Variants in ANO7 observed in about 807,000 individuals in gnomAD.
The protein encoded by ANO7 is anoctamin 7, also known as anoctamin-7.
Under a neutral mutation model 115.8 loss-of-function variants are expected in ANO7, and 114 were observed. That is an observed-to-expected ratio of 0.98 (90% CI 0.85 to 1.15). ANO7 has a LOEUF of 1.15. ANO7 is among the 50% of genes most tolerant of loss of function. ANO7 has a pLI of 0.00. For missense variants in ANO7, 1,302 were observed against 1,201.2 expected, an observed-to-expected ratio of 1.08 and a Z score of -1.24; for synonymous variants, 550 against 498.2, an observed-to-expected ratio of 1.10 and a Z score of -1.38.
chr2:241,230,732 C>T (rs1304713971), downstream of ANO7: 2 of 1,608,278 alleles, frequency 1.2e-6, no homozygotes, highest in Non-Finnish European at 1.7e-6. The surrounding 1 kb of genome is among the most constrained non-coding windows in gnomAD (Gnocchi z 5.0). Flanking sequence ...AGAGGATTCT[C>T]ACCCACTGTG....
intron 1 of ANO7, among the ~76,000 whole-genome samples, chr2:241,189,500 C>G (rs2068137910): frequency 6.6e-6 from 1 of 152,132 alleles, no homozygotes. Flanking sequence ...AGAGAGACCC[C>G]CGGGGCGAAG....
intron 21 of ANO7, among the ~76,000 whole-genome samples, chr2:241,219,731 C>CTTTTTTTTTT (rs11299376): frequency 2.6e-5 from 3 of 113,980 alleles, no homozygotes; most frequent in Non-Finnish European, 5.3e-5. Flanking sequence ...CCAGGCCTGG[C>CTTTTTTTTTT]TTTTTTTTTT....
At chr2:241,208,084 C>A (rs575345025) in intron 11 of ANO7, among the ~76,000 whole-genome samples, 237 of 152,290 alleles carry the variant, frequency 1.6e-3, no homozygotes, top group African/African-American at 5.6e-3. Flanking sequence ...ACTGTCCCCC[C>A]TCCCGCCTGG....
chr2:241,210,204 G>A lies in ANO7; in HGVS notation c.1360-91G>A, dbSNP rs2149218666. The A allele has an allele frequency of 6.3e-6, 8 of 1,267,322 alleles. No individual in the cohort carries two copies. The South Asian group carries it at 9.6e-5, about 15-fold the overall frequency. The allele number at this position is 1,267,322 out of a possible 1,614,324, so 78.5% of individuals were successfully genotyped here. A position where few individuals can be genotyped will look rare whatever the true frequency, so the allele number is the denominator to read the frequency against. On this transcript the variant is annotated intron_variant, in intron 13 of 24. Coordinates refer to ENST00000674324, the MANE Select transcript of ANO7 (RefSeq NM_001370694.2). The stretch of plus-strand genomic sequence containing the variant: ...AGGTGGCAGTGCTGGGGCCAGCAGT[G>A]GACTAGAAGAGCTGTCGGGGGCCAT...
chr2:241,200,226 G>T lies in ANO7; in HGVS notation c.554+1G>T, dbSNP rs150724018. On this transcript the variant is annotated splice_donor_variant, in intron 6 of 24. Transcript: ENST00000674324. LOFTEE classifies it high-confidence loss of function. The stretch of plus-strand genomic sequence containing the variant: ...GGTTCAGAGTGAACAAGCTGCCACG[G>T]TAAGGCAGGGGCCCTGCCAGTCGGA... 5.6e-6 allele frequency: 9 copies of T among 1,612,276 alleles called. No individual in the cohort carries two copies. In the African/African-American group the frequency reaches 1.2e-4, roughly 22 times the overall value.
rs555274837 is a variant in ANO7 at position 241,210,220 on chromosome 2, C to T, written c.1360-75C>T. ...GCCAGCAGTGGACTAGAAGAGCTGT[C>T]GGGGGCCATGGCCTGAGGGTGCTGG... On this transcript the variant is annotated intron_variant, in intron 13 of 24. Transcript: ENST00000674324. The T allele has an allele frequency of 7.3e-4, 1,044 of 1,435,528 alleles. 7 individuals are homozygous for T. The South Asian group carries it at 0.011, about 15-fold the overall frequency. The allele number at this position is 1,435,528 out of a possible 1,614,324, so 88.9% of individuals were successfully genotyped here.
intron 4 of ANO7, among the ~76,000 whole-genome samples, chr2:241,196,379 G>A (rs2149127115): frequency 6.6e-6 from 1 of 152,198 alleles, no homozygotes. Context: ...GGGGATTGGG[G>A]TGCAGAGCCC....
the ANO7 span, chr2:241,235,258 A>G: frequency 6.2e-7 from 1 of 1,614,162 alleles, no homozygotes; most frequent in South Asian, 1.1e-5. Context: ...ATGTTCACCT[A>G]CGTGAAGAGG....
At chr2:241,237,503 C>T in the ANO7 span, among the ~76,000 whole-genome samples, 7 of 152,240 alleles carry the variant, frequency 4.6e-5, no homozygotes, top group Non-Finnish European at 8.8e-5. Flanking sequence ...ACCAGACAGA[C>T]GCCTGCCTGA....
chr2:241,233,491 C>G, the ANO7 span, among the ~76,000 whole-genome samples: 1 of 152,100 alleles, frequency 6.6e-6, no homozygotes, highest in Non-Finnish European at 1.5e-5. The surrounding 1 kb of genome is among the most constrained non-coding windows in gnomAD (Gnocchi z 4.3). Context: ...CCCTTGGGAG[C>G]CTCAGAGAGG....
the ANO7 span, chr2:241,236,383 C>G: frequency 3.6e-6 from 2 of 559,890 alleles, no homozygotes; most frequent in South Asian, 4.4e-5. Flanking sequence ...TCCCATGCAG[C>G]TGTCCCAGAA....
At chr2:241,238,727 G>A in the ANO7 span, 1 of 1,581,310 alleles carries the variant, frequency 6.3e-7, no homozygotes, top group East Asian at 2.3e-5. This position sits in a 1 kb window ranked among gnomAD's most constrained non-coding sequence, Gnocchi z 4.9. Context: ...GAACCTTTGG[G>A]GCCCATGACA....
intron 3 of ANO7, among the ~76,000 whole-genome samples, chr2:241,194,308 CT>C (rs558481702): frequency 0.015 from 1,993 of 131,746 alleles, 37 homozygotes; most frequent in African/African-American, 0.05. Context: ...TATTTATTTC[CT>C]TTTTTTTTTT....
rs13410309 is a variant in ANO7, at chr2:241,203,832, G to T, written c.889+334G>T. The stretch of plus-strand genomic sequence containing the variant: ...CCCCAGGAACTTCCATCCTAGGGAG[G>T]TCGCCCCTGCCTGGGTCCAGGCCAA... On this transcript the variant is annotated intron_variant, in intron 9 of 24. Transcript: ENST00000674324. This position sits in a 1 kb window ranked among gnomAD's most constrained non-coding sequence, Gnocchi z 4.8. 0.064 allele frequency among the ~76,000 whole-genome samples: 9,683 copies of T among 151,938 alleles called. 735 individuals are homozygous for T. Among genetic ancestry groups the T allele is most frequent in the African/African-American group, 0.18 (7,450 of 41,392 alleles).
In ANO7 at chr2:241,203,596, C is replaced by T. The variant is rs146289885; in HGVS notation, c.889+98C>T. 7.3e-3 allele frequency: 6,748 copies of T among 918,172 alleles called. 32 individuals are homozygous for T. Among genetic ancestry groups the T allele is most frequent in the Middle Eastern group, 0.014 (56 of 4,114 alleles). 56.9% of individuals were successfully genotyped at this position (918,172 alleles called of 1,614,324 possible). ...GTCCGTACCCCTGGAGGGCAGCGTG[C>T]GTGGGGGCCTGGACGGTGGGCGCAG... is the stretch of plus-strand genomic sequence containing the variant. On this transcript the variant is annotated intron_variant, in intron 9 of 24. Transcript: ENST00000674324. The surrounding 1 kb of genome is among the most constrained non-coding windows in gnomAD (Gnocchi z 4.8).
At chr2:241,229,647 C>A, downstream of ANO7, 1 of 1,614,166 alleles carries the variant, frequency 6.2e-7, no homozygotes. Context: ...CACCTGAGCC[C>A]CAAAGCTGGG....
chr2:241,232,483 TCAGGTTGGC>T, the ANO7 span, among the ~76,000 whole-genome samples: 1 of 152,106 alleles, frequency 6.6e-6, no homozygotes, highest in East Asian at 1.9e-4. Flanking sequence ...GCCATGTTGG[TCAGGTTGGC>T]CTTGAACTCC....
At position 241,190,178 on chromosome 2, in the gene ANO7, G is replaced by A. The variant is rs200885969; in HGVS notation, c.108+7G>A. 1.6e-4 allele frequency: 254 copies of A among 1,553,424 alleles called. 1 individual carries two copies. The African/African-American group carries it at 2.9e-3, about 18-fold the overall frequency. ...CACAGCCCACGCCTCGGAGGTAACA[G>A]CACCCAGGAGACTGTGGTGCGACTT... On this transcript the variant is annotated splice_region_variant and intron_variant, in intron 2 of 24. Coordinates refer to ENST00000674324, the MANE Select transcript of ANO7 (RefSeq NM_001370694.2).
intron 22 of ANO7, 32 bp downstream of exon 22, chr2:241,223,308 A>G (rs373748873): frequency 1.1e-5 from 18 of 1,611,354 alleles, no homozygotes; most frequent in Middle Eastern, 1.7e-4. Flanking sequence ...TCTCCCATCC[A>G]TGGCATGAGG....
Sources: gnomAD v4.1 joint callset for allele counts (sites outside exome capture counted in the v4.1 genomes callset) on GRCh38, gnomAD v4.1.1 for gene constraint, Gnocchi (gnomAD v3.1) non-coding constraint, MANE v1.5 for transcripts, NCBI Gene and HGNC (gene_info 2026-07-23, HGNC 2026-07-21) for gene names.